Variants in L3MBTL4 observed in about 807,000 individuals in gnomAD.
L3MBTL4 encodes the protein lethal(3)malignant brain tumor-like protein 4.
In L3MBTL4, 70 loss-of-function variants were observed where a neutral mutation model predicts 84.5. The observed-to-expected ratio is 0.83, with a 90% CI of 0.68 to 1.01. L3MBTL4 has a LOEUF of 1.01. Ranked by LOEUF, L3MBTL4 falls within the 50% of genes least tolerant of loss-of-function variation. L3MBTL4 has a pLI of 0.00. For missense variants in L3MBTL4, 715 were observed against 754.8 expected (o/e 0.95, Z 0.62); for synonymous variants, 274 against 259.8 (o/e 1.05, Z -0.52).
chr18:6,032,546 T>TA (rs1251100749), intron 16 of L3MBTL4, among the ~76,000 whole-genome samples: 5 of 152,056 alleles, frequency 3.3e-5, no homozygotes, highest in Non-Finnish European at 2.9e-5. Context: ...GTTTTTTTTT[T>TA]ATTGTGGTAA....
intron 4 of L3MBTL4, among the ~76,000 whole-genome samples, chr18:6,287,013 A>G (rs1224765773): frequency 6.6e-6 from 1 of 152,164 alleles, no homozygotes; most frequent in African/African-American, 2.4e-5. Flanking sequence ...AAGGCAGCTT[A>G]TGGTCCTTCT....
At chr18:6,197,872 C>T (rs758123922) in intron 12 of L3MBTL4, among the ~76,000 whole-genome samples, 31 of 152,322 alleles carry the variant, frequency 2.0e-4, no homozygotes, top group Non-Finnish European at 3.2e-4. Flanking sequence ...GGAAGTAATG[C>T]GAAGCTTTGA....
Position 6,292,686 on chromosome 18 carries a change from A to G in L3MBTL4, c.127+9217T>C, listed in dbSNP as rs185518171. 3.9e-3 allele frequency among the ~76,000 whole-genome samples: 589 copies of G among 152,344 alleles called. 3 individuals carry two copies. The highest frequency in any genetic ancestry group is 7.0e-3 in the Non-Finnish European group (473 of 68,034). ...TTTGATCAAAAGGGGGAAATGTGAA[A>G]GTTAATCACATAAACTGGGTCATTC... On this transcript the variant is annotated intron_variant, in intron 4 of 18. Transcript: ENST00000317931.
At chr18:6,029,587 G>C in intron 16 of L3MBTL4, 1 of 985,300 alleles carries the variant, frequency 1.0e-6, no homozygotes, top group Non-Finnish European at 1.2e-6. Flanking sequence ...AACTGCTTAG[G>C]AATAAACTTC....
intron 1 of L3MBTL4, among the ~76,000 whole-genome samples, chr18:6,337,563 C>T (rs958118658): frequency 2.0e-5 from 3 of 151,912 alleles, no homozygotes; most frequent in Admixed American, 6.6e-5. Context: ...TAACCTAAAG[C>T]ATGGGAAGTC....
Position 6,312,073 on chromosome 18 carries a change from G to T in L3MBTL4, c.-90-17C>A, listed in dbSNP as rs1323849214. 2 of 153,616 alleles carry T rather than the reference G, an allele frequency of 1.3e-5. No individual in the cohort carries two copies. The highest frequency in any genetic ancestry group is 4.8e-5 in the African/African-American group (2 of 41,390). The allele number at this position is 153,616 out of a possible 1,614,324, so 9.5% of individuals were successfully genotyped here. A position where few individuals can be genotyped will look rare whatever the true frequency, so the allele number is the denominator to read the frequency against. On this transcript the variant is annotated splice_polypyrimidine_tract_variant and intron_variant, in intron 1 of 18. Transcript: ENST00000317931. ...CATAGCAATCTGAAACAGAAAATAAGAAAAAATTTCACCAATCCAATTAAT... is the reference window on the plus strand; with the variant it reads ...CATAGCAATCTGAAACAGAAAATAATAAAAAATTTCACCAATCCAATTAAT...
rs187757814 is a variant in L3MBTL4 at position 6,009,663 on chromosome 18, T to A, written c.1445-40101A>T. On this transcript the variant is annotated intron_variant, in intron 16 of 18. Transcript: ENST00000317931. Reference sequence around the variant, plus strand: ...TCATCTCTAGATTACTAATAATACCTAACATAATGCAAATATTGTACTGTA... The same window carrying A: ...TCATCTCTAGATTACTAATAATACCAAACATAATGCAAATATTGTACTGTA... Among the ~76,000 whole-genome samples the A allele has an allele frequency of 4.9e-4, 74 of 152,284 alleles. 1 individual carries two copies. Among genetic ancestry groups the A allele is most frequent in the African/African-American group, 1.7e-3 (69 of 41,562 alleles).
rs747394140 is a variant in L3MBTL4, at chr18:6,213,274, A to T, written c.871-15T>A. On this transcript the variant is annotated splice_polypyrimidine_tract_variant and intron_variant, in intron 11 of 18. Coordinates refer to ENST00000317931, the MANE Select transcript of L3MBTL4 (RefSeq NM_001330559.2). ...TGAGGCAACCTCTGTAAATGTTATT[A>T]TAAGTACAACAAATCATGCAAAATT... 1 of 1,451,006 alleles carries T rather than the reference A, an allele frequency of 6.9e-7. No homozygotes were observed. The highest frequency in any genetic ancestry group is 9.5e-7 in the Non-Finnish European group (1 of 1,050,540). The allele number at this position is 1,451,006 out of a possible 1,614,324, so 89.9% of individuals were successfully genotyped here.
chr18:6,214,182 T>C (rs1034642147), intron 11 of L3MBTL4, among the ~76,000 whole-genome samples: 5 of 152,208 alleles, frequency 3.3e-5, no homozygotes, highest in African/African-American at 4.8e-5. Flanking sequence ...ATCTGTGTTA[T>C]GGTTTCTTTC....
intron 12 of L3MBTL4, among the ~76,000 whole-genome samples, chr18:6,185,228 G>C (rs982130835): frequency 3.3e-5 from 5 of 152,210 alleles, no homozygotes; most frequent in Admixed American, 6.5e-5. Context: ...AGGGAAGGCG[G>C]AGCCAGGGCC....
Position 6,241,403 on chromosome 18 carries a change from G to T in L3MBTL4, c.507C>A (p.Cys169Ter). 1 of 1,605,516 alleles carries T rather than the reference G, an allele frequency of 6.2e-7. No homozygotes were observed. Among genetic ancestry groups the T allele is most frequent in the Non-Finnish European group, 8.5e-7 (1 of 1,175,142 alleles). Residue 169 changes from cysteine (C) to a stop codon, truncating the protein, a stop_gained, in exon 8 of 19, where the codon TGC becomes TGA. Transcript: ENST00000317931. LOFTEE classifies it high-confidence loss of function. ...KFVWMDYLKA[C>*]KLQNAPKKLF... is the part of the protein sequence containing the mutation. ...ATTTCTTTGGAGCATTTTGCAATTT[G>T]CAGGCCTTCAAGTAATCCATCCAAA...
intron 12 of L3MBTL4, among the ~76,000 whole-genome samples, chr18:6,178,615 C>A (rs1422445764): frequency 1.3e-5 from 2 of 152,138 alleles, no homozygotes; most frequent in Non-Finnish European, 2.9e-5. Flanking sequence ...CTTTGATAAA[C>A]TAGAAAACAA....
chr18:6,083,144 T>C (rs2058136877), intron 15 of L3MBTL4, among the ~76,000 whole-genome samples: 1 of 152,212 alleles, frequency 6.6e-6, no homozygotes, highest in South Asian at 2.1e-4. Context: ...GGTTTCTTTC[T>C]GCTTTACACA....
intron 1 of L3MBTL4, among the ~76,000 whole-genome samples, chr18:6,387,221 GA>G (rs1227929685): frequency 6.6e-6 from 1 of 152,148 alleles, no homozygotes; most frequent in Admixed American, 6.5e-5. Flanking sequence ...GCTGAAACAG[GA>G]CGCCTTCACC....
At chr18:6,180,238 A>AAT (rs777589058) in intron 12 of L3MBTL4, among the ~76,000 whole-genome samples, 2 of 151,932 alleles carry the variant, frequency 1.3e-5, no homozygotes, top group Non-Finnish European at 2.9e-5. Context: ...GGAAAGGAAA[A>AAT]ATATATATAT....
At chr18:6,161,723 C>A (rs185163582) in intron 13 of L3MBTL4, among the ~76,000 whole-genome samples, 7 of 152,108 alleles carry the variant, frequency 4.6e-5, no homozygotes, top group Non-Finnish European at 7.4e-5. Flanking sequence ...CATCTGAGCC[C>A]GGCTCAACAC....
chr18:6,311,357 G>T (rs1316186161), intron 3 of L3MBTL4, among the ~76,000 whole-genome samples, 197 bp downstream of exon 3: 1 of 151,658 alleles, frequency 6.6e-6, no homozygotes, highest in East Asian at 1.9e-4. Context: ...TTAAAGTTAA[G>T]ATCACCTTTT....
At chr18:6,001,636 AG>A (rs201597426) in intron 16 of L3MBTL4, among the ~76,000 whole-genome samples, 7,802 of 152,288 alleles carry the variant, frequency 0.051, 472 homozygotes, top group Admixed American at 0.17. Flanking sequence ...AAAAATCAAC[AG>A]AAAAATAACT....
intron 1 of L3MBTL4, chr18:6,399,800 C>T (rs952717305): frequency 6.6e-6 from 1 of 152,128 alleles, no homozygotes; most frequent in Non-Finnish European, 1.5e-5. Context: ...ATAATTTTGG[C>T]TCCTTCCCAA....
Sources: allele counts gnomAD v4.1 joint callset (sites outside exome capture counted in the v4.1 genomes callset), GRCh38; gene constraint gnomAD v4.1.1; transcripts MANE v1.5; gene names NCBI Gene and HGNC (gene_info 2026-07-23, HGNC 2026-07-21).